DCDC1: variants seen among roughly 807,000 people sequenced by gnomAD.
DCDC1 encodes doublecortin domain containing 1, also known as doublecortin domain-containing protein 1.
Under a neutral mutation model 178.3 loss-of-function variants are expected in DCDC1, and 200 were observed. That is an observed-to-expected ratio of 1.12 (90% CI 1.00 to 1.26). The LOEUF is 1.26. Ranked by LOEUF, DCDC1 falls within the 50% of genes most tolerant of loss-of-function variation. The probability of loss-of-function intolerance (pLI) is 0.00; values close to 1 mark genes in which losing one functional copy is unlikely to be tolerated. For synonymous variants in DCDC1, 690 were observed against 604.8 expected (o/e 1.14, Z -2.07); for missense variants, 1,983 against 1,749.2 (o/e 1.13, Z -2.38).
intron 9 of DCDC1, among the ~76,000 whole-genome samples, chr11:31,153,293 CATAGTTATTCTCATGTT>C (rs1965366342): frequency 6.6e-6 from 1 of 152,150 alleles, no homozygotes; most frequent in South Asian, 2.1e-4. Flanking sequence ...TACGCTATGT[CATAGTTATTCTCATGTT>C]ATACAACTAT....
chr11:31,198,268 A>G (rs1427069740), intron 9 of DCDC1, among the ~76,000 whole-genome samples: 1 of 152,088 alleles, frequency 6.6e-6, no homozygotes, highest in Non-Finnish European at 1.5e-5. Context: ...ACATTGCCTC[A>G]ATGGTAGATC....
chr11:30,922,924 A>G (rs964473455), intron 23 of DCDC1, among the ~76,000 whole-genome samples: 3 of 151,972 alleles, frequency 2.0e-5, no homozygotes, highest in Admixed American at 1.3e-4. Context: ...TTTCAAAATT[A>G]AAGTTTAAAA....
intron 1 of DCDC1, among the ~76,000 whole-genome samples, chr11:31,364,837 CAAA>C (rs1367275082): frequency 7.6e-6 from 1 of 132,072 alleles, no homozygotes; most frequent in Non-Finnish European, 1.6e-5. Flanking sequence ...GTTAATCTGT[CAAA>C]AAAAAAAAAA....
intron 13 of DCDC1, among the ~76,000 whole-genome samples, chr11:31,106,499 T>C (rs1332407771): frequency 2.6e-5 from 4 of 152,200 alleles, no homozygotes; most frequent in Non-Finnish European, 5.9e-5. Context: ...GGCGTTTCCA[T>C]CTGCTATCAT....
intron 1 of DCDC1, among the ~76,000 whole-genome samples, chr11:31,343,993 TAA>T (rs1385640770): frequency 6.6e-6 from 1 of 152,174 alleles, no homozygotes; most frequent in Non-Finnish European, 1.5e-5. Context: ...ATTAGTTATA[TAA>T]GTGTGAAATC....
intron 20 of DCDC1, among the ~76,000 whole-genome samples, chr11:31,016,350 C>T (rs1952485680): frequency 6.6e-6 from 1 of 152,124 alleles, no homozygotes; most frequent in Admixed American, 6.5e-5. Context: ...CTTAAGGCTG[C>T]CATGAAATGT....
Position 31,137,712 on chromosome 11 carries a change from G to C in DCDC1, c.1294C>G (p.His432Asp). 1 of 702,618 alleles carries C rather than the reference G, an allele frequency of 1.4e-6. No homozygotes were observed. 43.5% of individuals were successfully genotyped at this position (702,618 alleles called of 1,614,324 possible). ...KVILSMTAKE[H>D]HKEQEEVSRL... is the part of the protein sequence containing the mutation. ...CTTACTTCTTCCTGTTCCTTATGGT[G>C]TTCCTTTGCCGTCATTGAAAGAATG... Residue 432 changes from histidine to aspartate, a missense_variant, in exon 10 of 39, where the codon CAC (histidine) becomes GAC (aspartate). Coordinates refer to ENST00000684477, the MANE Select transcript of DCDC1 (RefSeq NM_001387274.1).
intron 14 of DCDC1, among the ~76,000 whole-genome samples, chr11:31,103,223 C>T (rs1958621168): frequency 6.6e-6 from 1 of 152,126 alleles, no homozygotes; most frequent in Non-Finnish European, 1.5e-5. Context: ...TCTTCACTGC[C>T]CCAACGAGTC....
chr11:30,990,429 A>C (rs1209029875), intron 20 of DCDC1, among the ~76,000 whole-genome samples: 1 of 152,158 alleles, frequency 6.6e-6, no homozygotes, highest in East Asian at 1.9e-4. Flanking sequence ...CCATGTTGTT[A>C]TGGAGGCACC....
chr11:31,280,324 C>G (rs1462484681), intron 7 of DCDC1, among the ~76,000 whole-genome samples: 2 of 152,216 alleles, frequency 1.3e-5, no homozygotes, highest in East Asian at 3.9e-4. Context: ...ATTCACATAA[C>G]CAGTTACATA....
chr11:31,212,040 G>A (rs905970351), intron 9 of DCDC1, among the ~76,000 whole-genome samples: 11 of 146,294 alleles, frequency 7.5e-5, no homozygotes, highest in African/African-American at 2.0e-4. Flanking sequence ...CCAAGATCGC[G>A]CCACTGCACT....
At chr11:31,102,810 G>C (rs1346878011) in intron 14 of DCDC1, among the ~76,000 whole-genome samples, 1 of 152,126 alleles carries the variant, frequency 6.6e-6, no homozygotes, top group African/African-American at 2.4e-5. Context: ...ATGCTCAGTA[G>C]TCACAAAGTG....
At chr11:31,213,925 C>A (rs935458446) in intron 9 of DCDC1, among the ~76,000 whole-genome samples, 1 of 151,832 alleles carries the variant, frequency 6.6e-6, no homozygotes, top group African/African-American at 2.4e-5. Flanking sequence ...TGTATCTACA[C>A]ATACATATAT....
intron 9 of DCDC1, among the ~76,000 whole-genome samples, chr11:31,234,059 C>T (rs1976151909): frequency 6.6e-6 from 1 of 152,160 alleles, no homozygotes; most frequent in Non-Finnish European, 1.5e-5. Flanking sequence ...TTTATTTATG[C>T]TGTAATTCTT....
chr11:30,946,303 C>A (rs1021239393), intron 21 of DCDC1, among the ~76,000 whole-genome samples: 2 of 152,082 alleles, frequency 1.3e-5, no homozygotes, highest in Non-Finnish European at 2.9e-5. Context: ...GTAGAGAAAT[C>A]GGTGCAATTC....
intron 15 of DCDC1, among the ~76,000 whole-genome samples, chr11:31,100,970 A>G (rs891813877): frequency 5.9e-5 from 9 of 152,196 alleles, no homozygotes; most frequent in African/African-American, 1.9e-4. Context: ...TTTTCTCAAA[A>G]CCCGGCAGAA....
chr11:30,990,944 A>G (rs1256729138), intron 20 of DCDC1, among the ~76,000 whole-genome samples: 1 of 152,184 alleles, frequency 6.6e-6, no homozygotes, highest in Non-Finnish European at 1.5e-5. Flanking sequence ...CAATTCCAAA[A>G]TAATTTTGGG....
chr11:31,181,124 T>G (rs1347174097), intron 9 of DCDC1, among the ~76,000 whole-genome samples: 2 of 152,202 alleles, frequency 1.3e-5, no homozygotes. Flanking sequence ...CAGAGGCCAC[T>G]GCAGCTCAGC....
intron 18 of DCDC1, among the ~76,000 whole-genome samples, chr11:31,065,631 C>A (rs1956204458): frequency 1.3e-5 from 2 of 152,074 alleles, no homozygotes; most frequent in African/African-American, 4.8e-5. Flanking sequence ...CAAGGTAGAG[C>A]ATATGTCTAT....
Sources: gnomAD v4.1 joint callset for allele counts (sites outside exome capture counted in the v4.1 genomes callset) on GRCh38, gnomAD v4.1.1 for gene constraint, MANE v1.5 for transcripts, NCBI Gene and HGNC (gene_info 2026-07-23, HGNC 2026-07-21) for gene names.